OTUD7A: variants seen among roughly 807,000 people sequenced by gnomAD.
The protein encoded by OTUD7A is OTU deubiquitinase 7A, also known as OTU domain-containing protein 7A.
In OTUD7A, 12 loss-of-function variants were observed where a neutral mutation model predicts 65.7. The observed-to-expected ratio is 0.18, with a 90% CI of 0.12 to 0.30. OTUD7A has a LOEUF of 0.30. Ranked by LOEUF, OTUD7A falls within the 10% of genes least tolerant of loss-of-function variation. OTUD7A has a pLI of 1.00. For synonymous variants in OTUD7A, 641 were observed against 586.3 expected (o/e 1.09, Z -1.35); for missense variants, 1,148 against 1,304.8 (o/e 0.88, Z 1.85).
At chr15:31,782,852 C>G (rs1895576735) in intron 1 of OTUD7A, among the ~76,000 whole-genome samples, 1 of 152,078 alleles carries the variant, frequency 6.6e-6, no homozygotes, top group Non-Finnish European at 1.5e-5. Context: ...GATCAGAGGT[C>G]CCTGTGGAAA....
At chr15:31,774,965 T>G (rs1457340512) in intron 1 of OTUD7A, among the ~76,000 whole-genome samples, 5 of 73,022 alleles carry the variant, frequency 6.8e-5, no homozygotes, top group South Asian at 6.7e-4. Context: ...CAGTTTTGAT[T>G]GAAAAGATAG....
chr15:31,565,727 C>T (rs1160757308), intron 4 of OTUD7A, among the ~76,000 whole-genome samples: 1 of 152,040 alleles, frequency 6.6e-6, no homozygotes, highest in Non-Finnish European at 1.5e-5. Context: ...GGAAATAGGT[C>T]CAGGTATGTT....
chr15:31,485,476 G>T (rs1290179050), intron 12 of OTUD7A, among the ~76,000 whole-genome samples: 2 of 152,200 alleles, frequency 1.3e-5, no homozygotes, highest in South Asian at 2.1e-4. Context: ...GTCCCCCTGG[G>T]TGGGGTGGGG....
At chr15:31,818,932 G>A (rs1309067298) in intron 1 of OTUD7A, among the ~76,000 whole-genome samples, 1 of 152,162 alleles carries the variant, frequency 6.6e-6, no homozygotes, top group African/African-American at 2.4e-5. Flanking sequence ...TACTTGATGA[G>A]AATAAGTGGA....
At chr15:31,744,578 A>T (rs930493149) in intron 1 of OTUD7A, among the ~76,000 whole-genome samples, 3 of 152,182 alleles carry the variant, frequency 2.0e-5, no homozygotes, top group Non-Finnish European at 2.9e-5. Context: ...GGGCATTTTT[A>T]AAAATTCTAT....
intron 1 of OTUD7A, among the ~76,000 whole-genome samples, chr15:31,698,392 C>G (rs62002667): frequency 0.98 from 149,575 of 152,262 alleles, 73,526 homozygotes; most frequent in East Asian, 1. Flanking sequence ...CCTTCCAGTT[C>G]ACCCAACCCA....
chr15:31,738,884 T>A (rs1894263805), intron 1 of OTUD7A, among the ~76,000 whole-genome samples: 1 of 152,234 alleles, frequency 6.6e-6, no homozygotes, highest in South Asian at 2.1e-4. Context: ...ACCTATTAAG[T>A]ATCCTTAAAG....
chr15:31,563,104 T>G (rs1888747658), intron 4 of OTUD7A, among the ~76,000 whole-genome samples: 1 of 152,148 alleles, frequency 6.6e-6, no homozygotes, highest in Non-Finnish European at 1.5e-5. Flanking sequence ...CAGATCACAG[T>G]ATGTAACAGC....
intron 1 of OTUD7A, among the ~76,000 whole-genome samples, chr15:31,816,628 A>T (rs1833100126): frequency 6.6e-6 from 1 of 152,068 alleles, no homozygotes; most frequent in South Asian, 2.1e-4. Context: ...TGGGAGGCAG[A>T]GCTTGCAGTG....
At chr15:31,692,383 C>T (rs1441741637) in intron 1 of OTUD7A, among the ~76,000 whole-genome samples, 3,447 of 103,180 alleles carry the variant, frequency 0.033, 37 homozygotes, top group African/African-American at 0.09. Flanking sequence ...AATGGAATCC[C>T]GTCATTTGCA....
At chr15:31,645,265 A>G (rs1299692859) in intron 3 of OTUD7A, among the ~76,000 whole-genome samples, 3 of 152,126 alleles carry the variant, frequency 2.0e-5, no homozygotes, top group Non-Finnish European at 1.5e-5. Context: ...TTTACTGTCT[A>G]ATGTTCAGTG....
intron 1 of OTUD7A, among the ~76,000 whole-genome samples, chr15:31,794,671 T>C (rs1895905328): frequency 6.6e-6 from 1 of 151,802 alleles, no homozygotes; most frequent in South Asian, 2.1e-4. Flanking sequence ...GGACTTACAT[T>C]TGAGTGACAG....
intron 1 of OTUD7A, among the ~76,000 whole-genome samples, chr15:31,858,514 A>C (rs1897637328): frequency 6.6e-6 from 1 of 152,198 alleles, no homozygotes; most frequent in Admixed American, 6.5e-5. Flanking sequence ...GGCAGCAGGA[A>C]TAGTTAAGGG....
chr15:31,525,902 G>A (rs1008729940), intron 8 of OTUD7A, among the ~76,000 whole-genome samples: 11 of 152,196 alleles, frequency 7.2e-5, no homozygotes, highest in African/African-American at 2.7e-4. Flanking sequence ...TGCTTTCAGG[G>A]CAACTTCTTG....
chr15:31,655,422 A>G (rs1489789065), intron 2 of OTUD7A, 172 bp from the exon 3 acceptor site: 1 of 496,206 alleles, frequency 2.0e-6, no homozygotes, highest in Admixed American at 3.9e-5. Context: ...CATGCAAGAC[A>G]TTATATTATA....
intron 1 of OTUD7A, among the ~76,000 whole-genome samples, chr15:31,771,035 T>C (rs944628589): frequency 6.6e-6 from 1 of 152,204 alleles, no homozygotes; most frequent in Non-Finnish European, 1.5e-5. Flanking sequence ...TGGTCCACAT[T>C]GTACCAGAGG....
At chr15:31,727,902 G>A (rs1893937623) in intron 1 of OTUD7A, among the ~76,000 whole-genome samples, 1 of 152,072 alleles carries the variant, frequency 6.6e-6, no homozygotes, top group Admixed American at 6.6e-5. Context: ...ACACCCCAGG[G>A]CTCCACTCTG....
intron 1 of OTUD7A, among the ~76,000 whole-genome samples, chr15:31,709,882 GTTTA>G (rs1893398117): frequency 6.6e-6 from 1 of 151,998 alleles, no homozygotes; most frequent in Non-Finnish European, 1.5e-5. Flanking sequence ...TGCTTCCATA[GTTTA>G]TTGTTAACTA....
chr15:31,746,507 ATTTTT>A (rs33918687), intron 1 of OTUD7A, among the ~76,000 whole-genome samples: 1 of 143,518 alleles, frequency 7.0e-6, no homozygotes, highest in Non-Finnish European at 1.5e-5. Context: ...GTTTTTACAT[ATTTTT>A]TTTTTTTTTT....
Sources: allele counts gnomAD v4.1 joint callset (sites outside exome capture counted in the v4.1 genomes callset), GRCh38; gene constraint gnomAD v4.1.1; transcripts MANE v1.5; gene names NCBI Gene and HGNC (gene_info 2026-07-23, HGNC 2026-07-21).